SEPTIN14: variants seen among roughly 807,000 people sequenced by gnomAD.
SEPTIN14 encodes septin-14.
Under a neutral mutation model 53.6 loss-of-function variants are expected in SEPTIN14, and 40 were observed. That is an observed-to-expected ratio of 0.75 (90% CI 0.58 to 0.97). The LOEUF is 0.97. Ranked by LOEUF, SEPTIN14 falls within the 50% of genes least tolerant of loss-of-function variation. The pLI is 0.00. For synonymous variants in SEPTIN14, 138 were observed against 166.8 expected, an observed-to-expected ratio of 0.83 and a Z score of 1.33; for missense variants, 471 against 508.2, an observed-to-expected ratio of 0.93 and a Z score of 0.70.
intron 5 of SEPTIN14, among the ~76,000 whole-genome samples, chr7:55,839,314 G>T (rs751784148): frequency 6.6e-6 from 1 of 150,648 alleles, no homozygotes; most frequent in Non-Finnish European, 1.5e-5. Context: ...ACTTGAACCC[G>T]AGAGGCAGAG....
rs191539584 is a variant in SEPTIN14 at position 55,821,250 on chromosome 7, C to A, written c.721-2027G>T. Among the ~76,000 whole-genome samples, 213 of 152,266 alleles carry A rather than the reference C, an allele frequency of 1.4e-3. 1 individual carries two copies. Among genetic ancestry groups the A allele is most frequent in the African/African-American group, 4.8e-3 (199 of 41,556 alleles). ...GGGCCCTGACCATCCTTGCCTGGTT[C>A]ATGAGGCAGTGGCTCATTGTGTGGG... is the stretch of plus-strand genomic sequence containing the variant. On this transcript the variant is annotated intron_variant, in intron 6 of 9. Coordinates refer to ENST00000388975, the MANE Select transcript of SEPTIN14 (RefSeq NM_207366.3).
At chr7:55,812,649 G>T (rs1440654476) in intron 7 of SEPTIN14, among the ~76,000 whole-genome samples, 1 of 152,104 alleles carries the variant, frequency 6.6e-6, no homozygotes, top group African/African-American at 2.4e-5. Flanking sequence ...ACACCAAATT[G>T]AACAAATATC....
chr7:55,826,175 G>T (rs1219789882), intron 6 of SEPTIN14, among the ~76,000 whole-genome samples: 1 of 151,648 alleles, frequency 6.6e-6, no homozygotes, highest in Non-Finnish European at 1.5e-5. Context: ...GCTTTTTGGG[G>T]GGTGAGAACA....
chr7:55,840,107 G>A lies in SEPTIN14; in HGVS notation c.558+2835C>T, dbSNP rs544455381. On this transcript the variant is annotated intron_variant, in intron 5 of 9. Transcript: ENST00000388975. Reference sequence around the variant, plus strand: ...TTGCAGTGAGCCAAGATCACACCACGGCACTCCAGCCTGGGCATTAAAAAA... The same window carrying A: ...TTGCAGTGAGCCAAGATCACACCACAGCACTCCAGCCTGGGCATTAAAAAA... Among the ~76,000 whole-genome samples the A allele has an allele frequency of 9.4e-5, 14 of 149,250 alleles. No individual in the cohort carries two copies. In the East Asian group the frequency reaches 1.0e-3, roughly 11 times the overall value.
chr7:55,842,197 G>A (rs1053538210), intron 5 of SEPTIN14, among the ~76,000 whole-genome samples: 1 of 152,156 alleles, frequency 6.6e-6, no homozygotes, highest in Non-Finnish European at 1.5e-5. Flanking sequence ...ATGTAGGTAT[G>A]TGTAGATACA....
intron 6 of SEPTIN14, among the ~76,000 whole-genome samples, chr7:55,827,502 C>G (rs10266312): frequency 0.02 from 3,004 of 152,278 alleles, 103 homozygotes; most frequent in African/African-American, 0.068. Flanking sequence ...CCTACCTACA[C>G]AGGAGGTAGA....
At chr7:55,829,378 CAA>C (rs200041942) in intron 6 of SEPTIN14, among the ~76,000 whole-genome samples, 1 of 119,688 alleles carries the variant, frequency 8.4e-6, no homozygotes, top group Non-Finnish European at 1.7e-5. Context: ...AACTCTGTCT[CAA>C]AAAAAAAAAA....
chr7:55,809,334 T>C (rs535012676), intron 7 of SEPTIN14, among the ~76,000 whole-genome samples: 1 of 128,480 alleles, frequency 7.8e-6, no homozygotes, highest in Admixed American at 8.0e-5. Context: ...TTTTTTTTGG[T>C]TAGTATATGT....
intron 6 of SEPTIN14, among the ~76,000 whole-genome samples, chr7:55,822,856 CAAAAAA>C (rs148179709): frequency 5.7e-5 from 6 of 104,430 alleles, no homozygotes; most frequent in Admixed American, 4.0e-4. Context: ...CAGGGGAAAG[CAAAAAA>C]AAAAAAAAAA....
At chr7:55,805,212 G>T in intron 9 of SEPTIN14, 46 bp downstream of exon 9, 1 of 1,524,576 alleles carries the variant, frequency 6.6e-7, no homozygotes, top group South Asian at 1.2e-5. Flanking sequence ...AAATTAATAG[G>T]GCACCTAAAA....
chr7:55,843,018 C>T lies in SEPTIN14; in HGVS notation c.482G>A (p.Cys161Tyr). ...FEYHDSRVHV[C>Y]LYFISPTGHS... ...TCCTGTAGGTGAAATGAAGTAAAGACACACGTGGACGCGAGAATCATGGTA... is the reference window on the plus strand; with the variant it reads ...TCCTGTAGGTGAAATGAAGTAAAGATACACGTGGACGCGAGAATCATGGTA... The change falls in exon 5 of 10, where the codon TGT (cysteine) becomes TAT (tyrosine). Residue 161 changes from cysteine to tyrosine, a missense_variant. Cys to Tyr is a radical substitution (Grantham distance 194). Transcript: ENST00000388975. 1.3e-6 allele frequency: 2 copies of T among 1,586,622 alleles called. No individual in the cohort carries two copies. Among genetic ancestry groups the T allele is most frequent in the Non-Finnish European group, 1.7e-6 (2 of 1,166,002 alleles).
In SEPTIN14 at chr7:55,806,845, C is replaced by T. The variant is rs1788617605; in HGVS notation, c.986+245G>A. On this transcript the variant is annotated intron_variant, in intron 8 of 9. Transcript: ENST00000388975. ...AATACTGGGTTTTTTCATCAATATA[C>T]ATTTCAGCATATATACATATTGAAT... Among the ~76,000 whole-genome samples the T allele has an allele frequency of 5.3e-5, 8 of 152,128 alleles. No individual in the cohort carries two copies. In the South Asian group the frequency reaches 1.7e-3, roughly 32 times the overall value.
chr7:55,805,427 G>A (rs1197895145), intron 8 of SEPTIN14, 37 bp from the exon 9 acceptor site: 7 of 1,473,778 alleles, frequency 4.7e-6, no homozygotes, highest in Non-Finnish European at 6.4e-6. Context: ...ATATTAAAAT[G>A]AGGTAGGAGG....
At chr7:55,846,670 T>C in intron 2 of SEPTIN14, 33 bp from the exon 3 acceptor site, 1 of 1,195,098 alleles carries the variant, frequency 8.4e-7, no homozygotes, top group Non-Finnish European at 1.2e-6. Context: ...AGTTTTGTGT[T>C]AGAATAAAAA....
At position 55,795,938 on chromosome 7, in the gene SEPTIN14, T is replaced by C; in HGVS notation, c.1274A>G (p.Lys425Arg). 1 of 1,594,680 alleles carries C rather than the reference T, an allele frequency of 6.3e-7. No individual in the cohort carries two copies. Among genetic ancestry groups the C allele is most frequent in the Non-Finnish European group, 8.5e-7 (1 of 1,178,346 alleles). The change falls in exon 10 of 10, where the codon AAG becomes AGG. Residue 425 changes from lysine (K) to arginine (R), a missense_variant. By Grantham distance (26) the Lys-to-Arg change is conservative. Coordinates refer to ENST00000388975, the MANE Select transcript of SEPTIN14 (RefSeq NM_207366.3). ...ALQTQLSTDT[K>R]KDKHRKK ...TTATTTCTTACGATGTTTGTCTTTCTTTGTATCGGTGCTCAGCTGAGTCTG... is the reference window on the plus strand; with the variant it reads ...TTATTTCTTACGATGTTTGTCTTTCCTTGTATCGGTGCTCAGCTGAGTCTG...
chr7:55,835,499 G>C (rs1789190596), intron 5 of SEPTIN14, among the ~76,000 whole-genome samples: 1 of 152,146 alleles, frequency 6.6e-6, no homozygotes, highest in Admixed American at 6.6e-5. Context: ...ACCGTGCCTG[G>C]TCTATTTAAT....
At chr7:55,803,770 G>A (rs1788562008) in intron 9 of SEPTIN14, among the ~76,000 whole-genome samples, 1 of 151,984 alleles carries the variant, frequency 6.6e-6, no homozygotes, top group African/African-American at 2.4e-5. Context: ...AAGTGAGGTG[G>A]GAGAGAAAGA....
intron 2 of SEPTIN14, among the ~76,000 whole-genome samples, chr7:55,859,333 C>T (rs1258149830): frequency 6.6e-6 from 1 of 151,968 alleles, no homozygotes. Context: ...ATTCAGTTTT[C>T]CTGGAACCAT....
chr7:55,803,863 G>A (rs1264719784), intron 9 of SEPTIN14, among the ~76,000 whole-genome samples: 2 of 151,548 alleles, frequency 1.3e-5, no homozygotes, highest in African/African-American at 4.9e-5. Context: ...GATGGCTCAT[G>A]TCTGTAATCC....
Sources: gnomAD v4.1 joint callset for allele counts (sites outside exome capture counted in the v4.1 genomes callset) on GRCh38, gnomAD v4.1.1 for gene constraint, MANE v1.5 for transcripts, NCBI Gene and HGNC (gene_info 2026-07-23, HGNC 2026-07-21) for gene names.